The following ADAMTS19 variants were observed in gnomAD, a reference collection of about 807,000 sequenced individuals.
ADAMTS19 encodes ADAM metallopeptidase with thrombospondin type 1 motif 19.
Under a neutral mutation model 153.3 loss-of-function variants are expected in ADAMTS19, and 93 were observed. That is an observed-to-expected ratio of 0.61 (90% CI 0.51 to 0.72). The LOEUF is 0.72. Ranked by LOEUF, ADAMTS19 falls within the 30% of genes least tolerant of loss-of-function variation. The pLI is 0.00. For missense variants in ADAMTS19, 1,482 were observed against 1,552.1 expected (o/e 0.95, Z 0.76); for synonymous variants, 600 against 556.6 (o/e 1.08, Z -1.10).
intron 7 of ADAMTS19, 63 bp downstream of exon 7, chr5:129,551,970 G>A (rs367785069): frequency 2.2e-5 from 23 of 1,066,228 alleles, no homozygotes; most frequent in Middle Eastern, 2.1e-4. Flanking sequence ...ACTTGTTTAA[G>A]TATAGGAAAT....
intron 21 of ADAMTS19, among the ~76,000 whole-genome samples, chr5:129,728,847 A>G (rs1380167605): frequency 6.6e-6 from 1 of 152,148 alleles, no homozygotes; most frequent in Admixed American, 6.6e-5. Flanking sequence ...TGGTCAGTAA[A>G]TATTTGAAAA....
intron 19 of ADAMTS19, among the ~76,000 whole-genome samples, chr5:129,697,233 A>C (rs1581236635): frequency 6.6e-6 from 1 of 152,158 alleles, no homozygotes; most frequent in East Asian, 1.9e-4. Flanking sequence ...CCTGAGCCCC[A>C]AAGGAAGGAG....
Position 129,461,284 on chromosome 5 carries a change from G to T in ADAMTS19, c.274G>T (p.Val92Leu). The change falls in exon 2 of 23, where the codon GTG (valine) becomes TTG (leucine). Residue 92 changes from valine (V) to leucine (L), a missense_variant. Physicochemically the swap from Val to Leu is conservative, Grantham distance 32. Around this residue, in one of 2 missense-constraint regions of ADAMTS19, gnomAD observed 866 missense variants for 827.7 expected, o/e 1.05. Transcript: ENST00000274487. This position sits in a 1 kb window ranked among gnomAD's most constrained non-coding sequence, Gnocchi z 4.6. ...AAGSSREVRS[V>L]APVPLEEPVE... Reference sequence around the variant, plus strand: ...CGGCAGCTCACGCGAGGTGCGCTCTGTGGCTCCGGTGCCTTTGGAGGAGCC... The same window carrying T: ...CGGCAGCTCACGCGAGGTGCGCTCTTTGGCTCCGGTGCCTTTGGAGGAGCC... 1.6e-6 allele frequency: 2 copies of T among 1,287,236 alleles called. No individual in the cohort carries two copies. Among genetic ancestry groups the T allele is most frequent in the Non-Finnish European group, 2.0e-6 (2 of 1,023,642 alleles). 79.7% of individuals were successfully genotyped at this position (1,287,236 alleles called of 1,614,324 possible).
intron 7 of ADAMTS19, among the ~76,000 whole-genome samples, chr5:129,592,629 T>G (rs1750195158): frequency 6.6e-6 from 1 of 152,096 alleles, no homozygotes; most frequent in African/African-American, 2.4e-5. Context: ...CTAAGAACAA[T>G]GAAATTTAAA....
rs1343184118 is a variant in ADAMTS19, at chr5:129,709,764, G to A, written c.3312+5373G>A. Reference sequence around the variant, plus strand: ...ACAAGATTTATTACCTTGTCATTTTGAGCCTTACCTATATTCAGATTGGCC... The same window carrying A: ...ACAAGATTTATTACCTTGTCATTTTAAGCCTTACCTATATTCAGATTGGCC... On this transcript the variant is annotated intron_variant, in intron 21 of 22. Coordinates refer to ENST00000274487, the MANE Select transcript of ADAMTS19 (RefSeq NM_133638.6). Among the ~76,000 whole-genome samples, 5 of 152,266 alleles carry A rather than the reference G, an allele frequency of 3.3e-5. No homozygotes were observed. In the East Asian group the frequency reaches 9.7e-4, roughly 29 times the overall value.
chr5:129,542,142 G>T (rs1395244247), intron 6 of ADAMTS19, among the ~76,000 whole-genome samples: 1 of 152,100 alleles, frequency 6.6e-6, no homozygotes, highest in African/African-American at 2.4e-5. Flanking sequence ...GATATTCTCA[G>T]AATCAAAGGA....
chr5:129,654,830 T>C (rs1753474486), intron 14 of ADAMTS19, among the ~76,000 whole-genome samples: 2 of 152,220 alleles, frequency 1.3e-5, no homozygotes, highest in South Asian at 4.1e-4. Context: ...ATTGACCTTA[T>C]AACTCATATT....
intron 2 of ADAMTS19, among the ~76,000 whole-genome samples, chr5:129,481,762 TC>T (rs1381296863): frequency 6.6e-6 from 1 of 152,106 alleles, no homozygotes; most frequent in African/African-American, 2.4e-5. Context: ...TCCCGAACCC[TC>T]CCCAAAGGTG....
In ADAMTS19 at chr5:129,704,319, C is replaced by T. The variant is rs551467821; in HGVS notation, c.3240C>T (p.Thr1080=). 29 of 1,614,122 alleles carry T rather than the reference C, an allele frequency of 1.8e-5. No homozygotes were observed. The highest frequency in any genetic ancestry group is 2.5e-5 in the Non-Finnish European group (29 of 1,179,996). The change falls in exon 21 of 23, where the codon ACC becomes ACT. Residue 1080 remains threonine (T), a synonymous_variant. Coordinates refer to ENST00000274487, the MANE Select transcript of ADAMTS19 (RefSeq NM_133638.6). ...CAAGAAAGAAGTGTGTCCTCTCTACCAGACCCAGGGAGGCTGAAGACTGTG... is the reference window on the plus strand; with the variant it reads ...CAAGAAAGAAGTGTGTCCTCTCTACTAGACCCAGGGAGGCTGAAGACTGTG... ...TNPRKKCVLS[T]RPREAEDCED...
intron 18 of ADAMTS19, 78 bp from the exon 19 acceptor site, chr5:129,694,639 CATA>C: frequency 9.5e-7 from 1 of 1,052,908 alleles, no homozygotes; most frequent in Non-Finnish European, 1.2e-6. Flanking sequence ...AAAAAATAAG[CATA>C]ATAAGCTTAT....
At chr5:129,595,163 C>G (rs1581125256) in intron 7 of ADAMTS19, among the ~76,000 whole-genome samples, 1 of 152,156 alleles carries the variant, frequency 6.6e-6, no homozygotes, top group East Asian at 1.9e-4. Context: ...CTGTGGATAC[C>G]AGGCCTTGAC....
intron 2 of ADAMTS19, among the ~76,000 whole-genome samples, chr5:129,468,338 A>G (rs1580978367): frequency 6.6e-6 from 1 of 152,194 alleles, no homozygotes; most frequent in East Asian, 1.9e-4. Flanking sequence ...TGTGAAATCT[A>G]ATAGATAAAA....
chr5:129,552,879 GT>G (rs1394765893), intron 7 of ADAMTS19, among the ~76,000 whole-genome samples: 3 of 151,990 alleles, frequency 2.0e-5, no homozygotes, highest in Admixed American at 6.6e-5. Flanking sequence ...ATGGAAAGTA[GT>G]TATAATAATG....
chr5:129,654,371 G>A lies in ADAMTS19; in HGVS notation c.2242G>A (p.Val748Met). The change falls in exon 14 of 23, where the codon GTG becomes ATG. Residue 748 changes from valine to methionine, a missense_variant. By Grantham distance (21) the Val-to-Met change is conservative. This residue lies in a region of ADAMTS19 where 616 missense variants were observed against 724.4 expected (regional missense o/e 0.85). Transcript: ENST00000274487. Reference protein sequence around the residue: ...KEQPILLSEKVMDGTSCGYQG... With the variant: ...KEQPILLSEKMMDGTSCGYQG... ...ACAGCCTATTCTTCTATCAGAAAAA[G>A]TGATGGATGGAACTTCTTGTGGCTA... The A allele has an allele frequency of 1.2e-6, 2 of 1,613,190 alleles. No homozygotes were observed. The highest frequency in any genetic ancestry group is 1.7e-6 in the Non-Finnish European group (2 of 1,179,692).
intron 10 of ADAMTS19, among the ~76,000 whole-genome samples, chr5:129,634,432 T>C (rs1301420295): frequency 6.6e-6 from 1 of 152,098 alleles, no homozygotes; most frequent in Non-Finnish European, 1.5e-5. Context: ...AGAAAACCTA[T>C]TTTAAAAATC....
Position 129,647,774 on chromosome 5 carries a change from G to T in ADAMTS19, c.1882G>T (p.Ala628Ser). ...TDCDLGKWCKAGECTSRTSAP... is the reference protein window; with the variant it reads ...TDCDLGKWCKSGECTSRTSAP... ...ATAACTTTTGGAATAGTGGTGTAAGGCTGGAGAATGTACCAGCAGGACCTC... is the reference window on the plus strand; with the variant it reads ...ATAACTTTTGGAATAGTGGTGTAAGTCTGGAGAATGTACCAGCAGGACCTC... The change falls in exon 12 of 23, where the codon GCT (alanine) becomes TCT (serine). Residue 628 changes from alanine to serine, a missense_variant. Ala to Ser is a moderately conservative substitution (Grantham distance 99). Transcript: ENST00000274487. The T allele has an allele frequency of 6.2e-7, 1 of 1,613,916 alleles. No homozygotes were observed. The highest frequency in any genetic ancestry group is 8.5e-7 in the Non-Finnish European group (1 of 1,179,848).
intron 21 of ADAMTS19, among the ~76,000 whole-genome samples, chr5:129,711,503 A>C (rs1042114262): frequency 6.6e-6 from 1 of 152,068 alleles, no homozygotes; most frequent in Non-Finnish European, 1.5e-5. Context: ...ATGAAACTCC[A>C]TCTCTACCAA....
intron 3 of ADAMTS19, among the ~76,000 whole-genome samples, chr5:129,520,247 G>A (rs943127459): frequency 7.2e-5 from 11 of 152,156 alleles, no homozygotes; most frequent in African/African-American, 2.4e-4. Flanking sequence ...GTGCCTTAGG[G>A]AAGTCCTTCT....
At chr5:129,688,302 T>C (rs1160717470) in intron 18 of ADAMTS19, 1 of 152,184 alleles carries the variant, frequency 6.6e-6, no homozygotes, top group Non-Finnish European at 1.5e-5. Context: ...AGTATTCTAC[T>C]TCATAAGAAT....
Sources: gnomAD v4.1 joint callset for allele counts (sites outside exome capture counted in the v4.1 genomes callset) on GRCh38, gnomAD v4.1.1 for gene constraint, gnomAD v4.1.1 regional missense constraint, Gnocchi (gnomAD v3.1) non-coding constraint, MANE v1.5 for transcripts, NCBI Gene and HGNC (gene_info 2026-07-23, HGNC 2026-07-21) for gene names.